The following CARF variants were observed in gnomAD, a reference collection of about 807,000 sequenced individuals.
The protein encoded by CARF is calcium-responsive transcription factor.
A neutral mutation model predicts 82.0 loss-of-function variants in CARF; 57 were observed. That is an observed-to-expected ratio of 0.70 (90% CI 0.56 to 0.87). The LOEUF is 0.87. Ranked by LOEUF, CARF falls within the 40% of genes least tolerant of loss-of-function variation. The probability of loss-of-function intolerance (pLI) is 0.00; values close to 1 mark genes in which losing one functional copy is unlikely to be tolerated. For missense variants in CARF, 771 were observed against 855.8 expected, an observed-to-expected ratio of 0.90 and a Z score of 1.24; for synonymous variants, 268 against 290.1, an observed-to-expected ratio of 0.92 and a Z score of 0.77.
intron 1 of CARF, among the ~76,000 whole-genome samples, chr2:202,917,382 T>A (rs544572320): frequency 1.6e-4 from 24 of 152,184 alleles, no homozygotes; most frequent in Middle Eastern, 6.3e-3. Flanking sequence ...TGAAATCCAA[T>A]CATTAACTGT....
chr2:202,915,826 C>T (rs780089700), intron 1 of CARF, among the ~76,000 whole-genome samples: 28 of 151,828 alleles, frequency 1.8e-4, no homozygotes, highest in Admixed American at 3.3e-4. Flanking sequence ...CCAGGCTGGC[C>T]TCCCAACTCC....
At chr2:202,952,751 T>G in intron 6 of CARF, 72 bp downstream of exon 6, 3 of 1,448,648 alleles carry the variant, frequency 2.1e-6, no homozygotes, top group Non-Finnish European at 2.8e-6. Flanking sequence ...AATCACCTTA[T>G]GAAAGTCAGT....
At chr2:202,929,840 G>A (rs1692546502) in intron 3 of CARF, among the ~76,000 whole-genome samples, 1 of 152,056 alleles carries the variant, frequency 6.6e-6, no homozygotes, top group South Asian at 2.1e-4. Flanking sequence ...CAATCCTCCT[G>A]CCTCAGCCTT....
In CARF at chr2:202,988,082, T is replaced by A. The variant is rs1415464760; in HGVS notation, c.*4458T>A. On this transcript the variant is annotated 3_prime_UTR_variant, in exon 17 of 17. Transcript: ENST00000438828. The stretch of plus-strand genomic sequence containing the variant: ...AATATGAACCTTTTTTGGTCTAGCT[T>A]TTGTCACTTAGCATAGTAATTTTGT... 1.3e-5 allele frequency among the ~76,000 whole-genome samples: 2 copies of A among 152,210 alleles called. No homozygotes were observed. The highest frequency in any genetic ancestry group is 3.8e-4 in the East Asian group (2 of 5,206).
At chr2:202,982,790 C>A (rs929846068) in intron 16 of CARF, among the ~76,000 whole-genome samples, 3 of 151,954 alleles carry the variant, frequency 2.0e-5, no homozygotes, top group Non-Finnish European at 4.4e-5. Context: ...TATTTTCATG[C>A]AAAGGTTATT....
Position 202,942,775 on chromosome 2 carries a change from T to C in CARF, c.114T>C (p.Phe38=). The change falls in exon 5 of 17, where the codon TTT becomes TTC. Residue 38 remains phenylalanine (F), a synonymous_variant. Coordinates refer to ENST00000438828, the MANE Select transcript of CARF (RefSeq NM_024744.17). ...LICMDSRDSS[F]GQNDSPTVLP... ...GTATGGACTCCAGGGATTCTTCCTT[T>C]GGACAAAATGATTCTCCTACAGTTT... The C allele has an allele frequency of 6.2e-7, 1 of 1,614,096 alleles. No homozygotes were observed. The highest frequency in any genetic ancestry group is 8.5e-7 in the Non-Finnish European group (1 of 1,179,992).
Position 202,917,981 on chromosome 2 carries a change from G to A in CARF, c.-225G>A, listed in dbSNP as rs1177258101. 3 of 439,384 alleles carry A rather than the reference G, an allele frequency of 6.8e-6. No individual in the cohort carries two copies. The highest frequency in any genetic ancestry group is 1.4e-4 in the East Asian group (2 of 13,934). 27.2% of individuals were successfully genotyped at this position (439,384 alleles called of 1,614,324 possible). A position where few individuals can be genotyped will look rare whatever the true frequency, so the allele number is the denominator to read the frequency against. On this transcript the variant is annotated 5_prime_UTR_variant, in exon 2 of 17. Transcript: ENST00000438828. ...GGAAGAACTTCAGTGGACAAGAAAG[G>A]ACATTTCTGGGGGTAGTAGAATGCT...
chr2:202,920,596 GC>G (rs1214751451), intron 2 of CARF, among the ~76,000 whole-genome samples: 1 of 151,818 alleles, frequency 6.6e-6, no homozygotes, highest in Admixed American at 6.6e-5. Flanking sequence ...TAAAAATTAA[GC>G]CAGGTGCAGT....
intron 2 of CARF, among the ~76,000 whole-genome samples, chr2:202,921,661 G>T (rs944417865): frequency 3.9e-5 from 6 of 152,066 alleles, no homozygotes; most frequent in African/African-American, 1.4e-4. Context: ...TTTTGTGAAT[G>T]AATATCTGCT....
rs1213264043 is a variant in CARF at position 202,967,071 on chromosome 2, A to G, written c.926A>G (p.Gln309Arg). 39 of 1,614,004 alleles carry G rather than the reference A, an allele frequency of 2.4e-5. No individual in the cohort carries two copies. Among genetic ancestry groups the G allele is most frequent in the Admixed American group, 3.3e-5 (2 of 60,000 alleles). Reference protein sequence around the residue: ...KVSEQESRSCQLYKATCPARI... With the variant: ...KVSEQESRSCRLYKATCPARI... ...AGTGAGCAGGAAAGCAGGTCTTGTC[A>G]GCTCTACAAAGCCACTTGTCCAGCT... The change falls in exon 10 of 17, where the codon CAG (glutamine) becomes CGG (arginine). Residue 309 changes from glutamine to arginine, a missense_variant. Transcript: ENST00000438828.
Position 202,984,957 on chromosome 2 carries a change from A to C in CARF, c.*1333A>C, listed in dbSNP as rs1169810452. On this transcript the variant is annotated 3_prime_UTR_variant, in exon 17 of 17. Transcript: ENST00000438828. ...TGTAATCCCAGCTACTTGGGAGGCT[A>C]AGGCAGGAGAATCGCTTGAACACCG... 2.0e-5 allele frequency: 3 copies of C among 151,930 alleles called. No individual in the cohort carries two copies. Among genetic ancestry groups the C allele is most frequent in the Non-Finnish European group, 4.4e-5 (3 of 68,020 alleles). The allele number at this position is 151,930 out of a possible 1,614,324, so 9.4% of individuals were successfully genotyped here. A position where few individuals can be genotyped will look rare whatever the true frequency, so the allele number is the denominator to read the frequency against.
Position 202,984,424 on chromosome 2 carries a change from T to C in CARF, c.*800T>C, listed in dbSNP as rs1178356670. On this transcript the variant is annotated 3_prime_UTR_variant, in exon 17 of 17. Coordinates refer to ENST00000438828, the MANE Select transcript of CARF (RefSeq NM_024744.17). ...CAGAAAGATGTAGAAATTAAGAGAATTGAAAAAGAATAATAGAATTCCTTG... is the reference window on the plus strand; with the variant it reads ...CAGAAAGATGTAGAAATTAAGAGAACTGAAAAAGAATAATAGAATTCCTTG... The C allele has an allele frequency of 2.0e-5, 3 of 152,278 alleles. No individual in the cohort carries two copies. Among genetic ancestry groups the C allele is most frequent in the Non-Finnish European group, 2.9e-5 (2 of 68,014 alleles). 9.4% of individuals were successfully genotyped at this position (152,278 alleles called of 1,614,324 possible).
intron 8 of CARF, among the ~76,000 whole-genome samples, chr2:202,960,793 C>T (rs1378579432): frequency 2.0e-5 from 3 of 151,274 alleles, no homozygotes. Context: ...CTCCCTCCCT[C>T]CTTCCTTCCC....
At chr2:202,969,152 G>T (rs1216218702) in intron 10 of CARF, among the ~76,000 whole-genome samples, 3 of 152,124 alleles carry the variant, frequency 2.0e-5, no homozygotes, top group Non-Finnish European at 4.4e-5. Flanking sequence ...AATTAGCCAG[G>T]CATAGTGACA....
chr2:202,922,728 C>T lies in CARF; in HGVS notation c.-162-1569C>T, dbSNP rs192021753. The stretch of plus-strand genomic sequence containing the variant: ...GCTGAGGCATGAGAATCACTTGAAC[C>T]CGGTAGGTGAAGGTTGCAGTGAGCT... On this transcript the variant is annotated intron_variant, in intron 2 of 16. Coordinates refer to ENST00000438828, the MANE Select transcript of CARF (RefSeq NM_024744.17). Among the ~76,000 whole-genome samples the T allele has an allele frequency of 3.6e-3, 551 of 151,806 alleles. 11 individuals are homozygous for T. Among genetic ancestry groups the T allele is most frequent in the Non-Finnish European group, 1.5e-3 (99 of 67,926 alleles).
Position 202,982,108 on chromosome 2 carries a change from G to C in CARF, c.1726G>C (p.Glu576Gln). The C allele has an allele frequency of 6.2e-7, 1 of 1,614,076 alleles. No homozygotes were observed. The change falls in exon 16 of 17, where the codon GAA (glutamate) becomes CAA (glutamine). Residue 576 changes from glutamate (E) to glutamine (Q), a missense_variant. Coordinates refer to ENST00000438828, the MANE Select transcript of CARF (RefSeq NM_024744.17). The stretch of plus-strand genomic sequence containing the variant: ...ACAACCAAGGTACACCTCTCCTGAT[G>C]AATCACCAGCTGTGGTATCAGTAAA... Reference protein sequence around the residue: ...QLQPRYTSPDESPAVVSVNNQ... With the variant: ...QLQPRYTSPDQSPAVVSVNNQ...
intron 1 of CARF, among the ~76,000 whole-genome samples, chr2:202,917,210 C>CAAAAAA (rs71034203): frequency 4.3e-5 from 2 of 47,012 alleles, no homozygotes; most frequent in African/African-American, 1.0e-4. Flanking sequence ...GACTCCGTCT[C>CAAAAAA]AAAAAAAAAA....
intron 3 of CARF, among the ~76,000 whole-genome samples, chr2:202,926,224 C>T (rs1378852861): frequency 1.3e-5 from 2 of 152,160 alleles, no homozygotes; most frequent in African/African-American, 4.8e-5. Context: ...GACCTCAGCC[C>T]ACCCTTAAGG....
intron 3 of CARF, among the ~76,000 whole-genome samples, chr2:202,941,044 A>G (rs946016484): frequency 2.0e-5 from 3 of 152,008 alleles, no homozygotes; most frequent in Non-Finnish European, 4.4e-5. Context: ...TTTATTCTCA[A>G]ATAATATAGG....
Sources: allele counts gnomAD v4.1 joint callset (sites outside exome capture counted in the v4.1 genomes callset), GRCh38; gene constraint gnomAD v4.1.1; transcripts MANE v1.5; gene names NCBI Gene and HGNC (gene_info 2026-07-23, HGNC 2026-07-21).